Variants in ARL15 observed in about 807,000 individuals in gnomAD.
ARL15 encodes the protein ARF like GTPase 15, also known as ADP-ribosylation factor-like protein 15.
In ARL15, 19 loss-of-function variants were observed where a neutral mutation model predicts 25.2. That is an observed-to-expected ratio of 0.75 (90% CI 0.53 to 1.10). The LOEUF is 1.10. Ranked by LOEUF, ARL15 falls within the 50% of genes least tolerant of loss-of-function variation. The pLI, the probability that ARL15 is intolerant of heterozygous loss-of-function variation, is 0.00. For synonymous variants in ARL15, 94 were observed against 86.8 expected (o/e 1.08, Z -0.46); for missense variants, 220 against 246.0 (o/e 0.89, Z 0.71).
intron 3 of ARL15, chr5:54,154,320 C>T (rs1754156212): frequency 6.4e-6 from 2 of 310,956 alleles, no homozygotes; most frequent in South Asian, 9.3e-5. Context: ...CAAGTAAAAC[C>T]AATGAGCTGT....
intron 3 of ARL15, among the ~76,000 whole-genome samples, chr5:54,123,794 C>T (rs1423250805): frequency 6.6e-6 from 1 of 152,116 alleles, no homozygotes; most frequent in Non-Finnish European, 1.5e-5. Flanking sequence ...ATCTTACTGT[C>T]TCAAGAGGCA....
intron 4 of ARL15, among the ~76,000 whole-genome samples, chr5:54,071,278 T>C (rs547929781): frequency 2.8e-4 from 43 of 152,294 alleles, no homozygotes; most frequent in Non-Finnish European, 5.3e-4. Context: ...GCATGTCTGC[T>C]TAAAATGGTA....
intron 2 of ARL15, among the ~76,000 whole-genome samples, chr5:54,157,647 G>A (rs1030130524): frequency 2.6e-5 from 4 of 152,044 alleles, no homozygotes; most frequent in African/African-American, 7.2e-5. Context: ...TCCTGACCTC[G>A]TGATCTACCC....
intron 4 of ARL15, among the ~76,000 whole-genome samples, chr5:54,005,346 C>T (rs1748992087): frequency 6.6e-6 from 1 of 152,188 alleles, no homozygotes; most frequent in African/African-American, 2.4e-5. Context: ...CAATTGTTCA[C>T]AGGATCCAGT....
rs181833336 is a variant in ARL15, at chr5:54,062,331, G to T, written c.462+50871C>A. 1.3e-3 allele frequency among the ~76,000 whole-genome samples: 192 copies of T among 152,138 alleles called. 2 individuals carry two copies. The highest frequency in any genetic ancestry group is 4.4e-3 in the African/African-American group (181 of 41,526). Reference sequence around the variant, plus strand: ...GGCATGACTTGTTTTGAAATGTGAGGACATGAAATTTGGGAGGGGCCAGCG... The same window carrying T: ...GGCATGACTTGTTTTGAAATGTGAGTACATGAAATTTGGGAGGGGCCAGCG... On this transcript the variant is annotated intron_variant, in intron 4 of 4. Transcript: ENST00000504924.
At chr5:54,087,349 G>A (rs1033095381) in intron 4 of ARL15, among the ~76,000 whole-genome samples, 6 of 152,084 alleles carry the variant, frequency 3.9e-5, no homozygotes, top group Admixed American at 6.6e-5. Flanking sequence ...AGAGAACTCA[G>A]AGTCATATAA....
rs539774735 is a variant in ARL15, at chr5:53,966,605, A to G, written c.463-79892T>C. ...GGGATCTCACACTATCTCCAGGTAGATAGTGGTGGGATTGAATTGGAGGCC... is the reference window on the plus strand; with the variant it reads ...GGGATCTCACACTATCTCCAGGTAGGTAGTGGTGGGATTGAATTGGAGGCC... On this transcript the variant is annotated intron_variant, in intron 4 of 4. Transcript: ENST00000504924. 2.6e-5 allele frequency among the ~76,000 whole-genome samples: 4 copies of G among 152,192 alleles called. No homozygotes were observed. In the South Asian group the frequency reaches 8.3e-4, roughly 32 times the overall value.
At chr5:53,890,690 T>C (rs557562417) in intron 4 of ARL15, among the ~76,000 whole-genome samples, 1 of 152,270 alleles carries the variant, frequency 6.6e-6, no homozygotes, top group African/African-American at 2.4e-5. Flanking sequence ...GCAGCCAACC[T>C]ATTTTAGCCC....
chr5:54,149,204 G>A (rs1488320468), intron 3 of ARL15, among the ~76,000 whole-genome samples: 1 of 152,198 alleles, frequency 6.6e-6, no homozygotes, highest in African/African-American at 2.4e-5. Context: ...GATTTTTCAG[G>A]TGAAATGTGA....
rs149343985 is a variant in ARL15 at position 54,009,881 on chromosome 5, AAG to A, written c.462+103319_462+103320del. ...GTTCCAGTTATCAGAGCTCTTAACA[AAG>A]AGCAGAATTTAAGGTTCTTCCTCAA... On this transcript the variant is annotated intron_variant, in intron 4 of 4. Coordinates refer to ENST00000504924, the MANE Select transcript of ARL15 (RefSeq NM_019087.3). Among the ~76,000 whole-genome samples, 1,305 of 152,316 alleles carry A rather than the reference AAG, an allele frequency of 8.6e-3. 22 individuals are homozygous for A. The highest frequency in any genetic ancestry group is 0.03 in the African/African-American group (1,241 of 41,560).
chr5:54,157,695 G>A lies in ARL15; in HGVS notation c.194-3056C>T, dbSNP rs77859144. Among the ~76,000 whole-genome samples the A allele has an allele frequency of 1.1e-4, 17 of 152,270 alleles. No homozygotes were observed. In the East Asian group the frequency reaches 2.7e-3, roughly 24 times the overall value. On this transcript the variant is annotated intron_variant, in intron 2 of 4. Transcript: ENST00000504924. ...CAAAGTGCTGGGATTACAGGCACGA[G>A]CCTCCGCACCCAGCCCCCTAACAAT...
intron 1 of ARL15, among the ~76,000 whole-genome samples, chr5:54,212,365 G>A (rs1002771919): frequency 6.6e-6 from 1 of 152,088 alleles, no homozygotes. Context: ...GAAAAGGAAG[G>A]TAGAAAAGGG....
chr5:53,913,163 C>T (rs79744393), intron 4 of ARL15, among the ~76,000 whole-genome samples: 1 of 152,124 alleles, frequency 6.6e-6, no homozygotes, highest in Non-Finnish European at 1.5e-5. Context: ...ATTAGCCAGG[C>T]ATGGTGGCAT....
chr5:54,155,680 T>TCACACA (rs58416810), intron 2 of ARL15, among the ~76,000 whole-genome samples: 51,587 of 149,820 alleles, frequency 0.34, 9,243 homozygotes, highest in African/African-American at 0.44. Context: ...ATATACCCAT[T>TCACACA]CACACACACA....
At chr5:54,126,007 T>C (rs1753240593) in intron 3 of ARL15, among the ~76,000 whole-genome samples, 1 of 152,162 alleles carries the variant, frequency 6.6e-6, no homozygotes, top group Non-Finnish European at 1.5e-5. Context: ...TGCCATGTGT[T>C]GCGCTGTGCT....
At chr5:54,306,059 C>T (rs1379536073) in intron 1 of ARL15, among the ~76,000 whole-genome samples, 1 of 152,124 alleles carries the variant, frequency 6.6e-6, no homozygotes, top group Non-Finnish European at 1.5e-5. Context: ...CCTGTCCTGC[C>T]ACAGGTTCCT....
At chr5:54,174,500 C>G (rs1307970317) in intron 1 of ARL15, among the ~76,000 whole-genome samples, 2 of 152,086 alleles carry the variant, frequency 1.3e-5, no homozygotes, top group African/African-American at 4.8e-5. Context: ...CCATATTCTT[C>G]ATGGGTTTAT....
At chr5:54,289,800 AAAT>A (rs1758279505) in intron 1 of ARL15, among the ~76,000 whole-genome samples, 1 of 152,202 alleles carries the variant, frequency 6.6e-6, no homozygotes, top group Non-Finnish European at 1.5e-5. Flanking sequence ...TTATAAAAGG[AAAT>A]ACAGTAAGCT....
At chr5:53,953,293 T>A (rs908933940) in intron 4 of ARL15, among the ~76,000 whole-genome samples, 1 of 152,128 alleles carries the variant, frequency 6.6e-6, no homozygotes, top group Admixed American at 6.5e-5. Flanking sequence ...CTCTGAAGAA[T>A]TGAGGAGGAT....
Sources: gnomAD v4.1 joint callset for allele counts (sites outside exome capture counted in the v4.1 genomes callset) on GRCh38, gnomAD v4.1.1 for gene constraint, MANE v1.5 for transcripts, NCBI Gene and HGNC (gene_info 2026-07-23, HGNC 2026-07-21) for gene names.